The following ZBTB34 variants were observed in gnomAD, a reference collection of about 807,000 sequenced individuals.
The protein encoded by ZBTB34 is zinc finger and BTB domain-containing protein 34.
ZBTB34 carries 1 observed loss-of-function variant against 33.4 expected under a neutral mutation model. That is an observed-to-expected ratio of 0.03 (90% CI 0.01 to 0.14). ZBTB34 has a LOEUF of 0.14. ZBTB34 is among the 10% of genes least tolerant of loss of function. ZBTB34 has a pLI of 1.00. For missense variants in ZBTB34, 406 were observed against 657.2 expected (o/e 0.62, Z 4.18); for synonymous variants, 283 against 253.5 (o/e 1.12, Z -1.11).
At chr9:126,869,441 C>T (rs1007170322) in intron 1 of ZBTB34, among the ~76,000 whole-genome samples, 8 of 152,032 alleles carry the variant, frequency 5.3e-5, no homozygotes, top group South Asian at 2.1e-4. Flanking sequence ...GCCTTACTTA[C>T]GACATGCCTG....
chr9:126,861,373 G>C (rs1455056229), intron 1 of ZBTB34, among the ~76,000 whole-genome samples: 1 of 152,232 alleles, frequency 6.6e-6, no homozygotes, highest in Non-Finnish European at 1.5e-5. Context: ...AGGCCAAGTG[G>C]CTGTGCTTTC....
chr9:126,878,168 T>C (rs1222256640), intron 1 of ZBTB34, among the ~76,000 whole-genome samples: 1 of 151,692 alleles, frequency 6.6e-6, no homozygotes, highest in East Asian at 1.9e-4. Flanking sequence ...ACCTCATCTC[T>C]AATAAAAAAT....
intron 1 of ZBTB34, among the ~76,000 whole-genome samples, chr9:126,871,409 C>T (rs1201630691): frequency 6.7e-6 from 1 of 148,160 alleles, no homozygotes; most frequent in East Asian, 2.0e-4. Context: ...TGTCGCCAGG[C>T]TGGAGTGCAG....
At chr9:126,863,226 C>A (rs142317012) in intron 1 of ZBTB34, among the ~76,000 whole-genome samples, 9 of 152,270 alleles carry the variant, frequency 5.9e-5, no homozygotes, top group Non-Finnish European at 1.0e-4. Flanking sequence ...TCTGAGCCTC[C>A]GTTTCTTATT....
chr9:126,860,810 G>T (rs2033132401), intron 1 of ZBTB34, 71 bp downstream of exon 1: 2 of 146,592 alleles, frequency 1.4e-5, no homozygotes, highest in South Asian at 3.7e-4. Context: ...CAGGCGGGGC[G>T]GGGGGCAGTC....
intron 1 of ZBTB34, among the ~76,000 whole-genome samples, chr9:126,878,303 C>T (rs2033388485): frequency 6.6e-6 from 1 of 152,004 alleles, no homozygotes; most frequent in Non-Finnish European, 1.5e-5. Flanking sequence ...AATCCCGTCT[C>T]TTCTAAAAAT....
intron 1 of ZBTB34, among the ~76,000 whole-genome samples, chr9:126,861,133 G>T (rs1159146882): frequency 6.6e-6 from 1 of 152,152 alleles, no homozygotes; most frequent in African/African-American, 2.4e-5. Context: ...TGTACGGGGA[G>T]GGAGGGCAGA....
intron 1 of ZBTB34, among the ~76,000 whole-genome samples, chr9:126,875,130 G>A (rs554438076): frequency 7.4e-4 from 113 of 152,330 alleles, no homozygotes; most frequent in African/African-American, 2.4e-3. Context: ...AGTCCAAACC[G>A]AGCCATGCTG....
chr9:126,873,976 C>T (rs959555509), intron 1 of ZBTB34, among the ~76,000 whole-genome samples: 4 of 149,872 alleles, frequency 2.7e-5, no homozygotes, highest in African/African-American at 7.4e-5. Context: ...TACATAGTCG[C>T]GTTTTTCAGT....
At chr9:126,885,187 C>T (rs1267867062) in exon 2 of ZBTB34, 1 of 167,046 alleles carries the variant, frequency 6.0e-6, no homozygotes, top group Non-Finnish European at 1.5e-5. Context: ...CTGTTTCTGC[C>T]CAGTGCTTGA....
intron 1 of ZBTB34, among the ~76,000 whole-genome samples, chr9:126,876,715 G>T (rs1261352940): frequency 6.6e-6 from 1 of 152,130 alleles, no homozygotes; most frequent in Non-Finnish European, 1.5e-5. Context: ...CAGTGTGAAC[G>T]GCCTGAAGAT....
At chr9:126,869,706 G>A (rs1030824501) in intron 1 of ZBTB34, among the ~76,000 whole-genome samples, 5 of 152,210 alleles carry the variant, frequency 3.3e-5, no homozygotes, top group Non-Finnish European at 7.3e-5. Flanking sequence ...CAGAGGCTGT[G>A]TGTGAGGTGA....
At chr9:126,868,175 T>TG (rs1320154803) in intron 1 of ZBTB34, among the ~76,000 whole-genome samples, 1 of 152,120 alleles carries the variant, frequency 6.6e-6, no homozygotes, top group Non-Finnish European at 1.5e-5. Flanking sequence ...TAACCTGGAT[T>TG]GGGGGGTGTC....
intron 1 of ZBTB34, among the ~76,000 whole-genome samples, chr9:126,872,457 C>A (rs2033293382): frequency 6.6e-6 from 1 of 152,090 alleles, no homozygotes; most frequent in Non-Finnish European, 1.5e-5. Flanking sequence ...GGTGTAGGCC[C>A]ACTGACATTC....
chr9:126,867,447 C>CTTTTTT (rs201325256), intron 1 of ZBTB34, among the ~76,000 whole-genome samples: 1 of 119,504 alleles, frequency 8.4e-6, no homozygotes, highest in Non-Finnish European at 1.8e-5. Context: ...TGTCATTTTT[C>CTTTTTT]TTTTTTTTTT....
rs1168990440 is a variant in ZBTB34, at chr9:126,880,905, T to C, written c.1506T>C (p.Ala502=). The C allele has an allele frequency of 1.1e-5, 18 of 1,608,070 alleles. No individual in the cohort carries two copies. The highest frequency in any genetic ancestry group is 1.4e-5 in the Non-Finnish European group (17 of 1,176,776). The change falls in exon 2 of 2, where the codon GCT becomes GCC. Residue 502 remains alanine, a synonymous_variant. Transcript: ENST00000319119. This position sits in a 1 kb window ranked among gnomAD's most constrained non-coding sequence, Gnocchi z 6.7. ...TGGAAATTCACACAGTGTCTGATGC[T>C]CCCGATTAAGATGGTAAAGAAGTGC...
chr9:126,872,882 C>G (rs932214763), intron 1 of ZBTB34, among the ~76,000 whole-genome samples: 1 of 152,176 alleles, frequency 6.6e-6, no homozygotes, highest in Non-Finnish European at 1.5e-5. Flanking sequence ...TGGAATCCCA[C>G]TCTTAGGTGT....
chr9:126,869,901 A>C (rs1173768346), intron 1 of ZBTB34, among the ~76,000 whole-genome samples: 3 of 152,232 alleles, frequency 2.0e-5, no homozygotes, highest in Non-Finnish European at 4.4e-5. Context: ...ATTTCAACAA[A>C]GTTCTATCCA....
At chr9:126,881,736 C>G (rs941802417) in exon 2 of ZBTB34, 1 of 166,940 alleles carries the variant, frequency 6.0e-6, no homozygotes, top group Admixed American at 6.5e-5. Flanking sequence ...TGGTGCTGAC[C>G]TTTTTACATA....
Sources: allele counts gnomAD v4.1 joint callset (sites outside exome capture counted in the v4.1 genomes callset), GRCh38; gene constraint gnomAD v4.1.1; non-coding constraint Gnocchi (gnomAD v3.1); transcripts MANE v1.5; gene names NCBI Gene and HGNC (gene_info 2026-07-23, HGNC 2026-07-21).